The following NRG1 variants were observed in gnomAD, a reference collection of about 807,000 sequenced individuals.
NRG1 encodes neuregulin 1.
Under a neutral mutation model 63.8 loss-of-function variants are expected in NRG1, and 18 were observed. The ratio of observed to expected loss-of-function variants is 0.28; its 90% CI spans 0.19 to 0.42. The LOEUF is 0.42. Among genes scored for constraint, NRG1 ranks in the 10% least tolerant of loss-of-function variants. The probability of loss-of-function intolerance (pLI) is 1.00; values close to 1 mark genes in which losing one functional copy is unlikely to be tolerated. For missense variants in NRG1, 762 were observed against 814.7 expected (o/e 0.94, Z 0.79); for synonymous variants, 302 against 301.3 (o/e 1.00, Z -0.02).
At chr8:32,439,024 C>A (rs1272713459) in intron 1 of NRG1, among the ~76,000 whole-genome samples, 2 of 152,042 alleles carry the variant, frequency 1.3e-5, no homozygotes, top group Non-Finnish European at 2.9e-5. Context: ...AAGGCAAGAG[C>A]TTTTAATTTT....
At chr8:32,396,077 T>C (rs2129484287) in intron 1 of NRG1, among the ~76,000 whole-genome samples, 1 of 152,334 alleles carries the variant, frequency 6.6e-6, no homozygotes, top group East Asian at 1.9e-4. Context: ...GTTCTATTGA[T>C]CTATATATAC....
At chr8:32,500,686 G>A (rs568221688) in intron 1 of NRG1, among the ~76,000 whole-genome samples, 1 of 152,290 alleles carries the variant, frequency 6.6e-6, no homozygotes, top group Non-Finnish European at 1.5e-5. Context: ...GAGAGATCAG[G>A]TAGGGGCAAA....
At chr8:32,157,091 T>TGTGTGTG in intron 1 of NRG1, among the ~76,000 whole-genome samples, 2 of 132,868 alleles carry the variant, frequency 1.5e-5, no homozygotes, top group East Asian at 2.1e-4. Context: ...TGTGTGTGTG[T>TGTGTGTG]AAGGAGAGGT....
chr8:31,819,797 T>C (rs1472009142), intron 1 of NRG1, among the ~76,000 whole-genome samples: 1 of 152,220 alleles, frequency 6.6e-6, no homozygotes, highest in East Asian at 1.9e-4. Flanking sequence ...TAACATTTCC[T>C]AATTAGCCCC....
chr8:32,131,005 A>G (rs559442963), intron 1 of NRG1, among the ~76,000 whole-genome samples: 3 of 152,014 alleles, frequency 2.0e-5, no homozygotes, highest in Non-Finnish European at 1.5e-5. Flanking sequence ...GCATACCACC[A>G]TATGGCAAAA....
chr8:32,590,968 T>G (rs1012893876), intron 1 of NRG1, among the ~76,000 whole-genome samples: 4 of 152,198 alleles, frequency 2.6e-5, no homozygotes, highest in Non-Finnish European at 5.9e-5. Flanking sequence ...ATTTTTGCCC[T>G]GTGTCCTTGA....
At chr8:32,654,121 G>A (rs2466052) in intron 5 of NRG1, among the ~76,000 whole-genome samples, 138,814 of 152,200 alleles carry the variant, frequency 0.91, 63,794 homozygotes, top group Non-Finnish European at 0.97. Flanking sequence ...GACTTGCCCA[G>A]TGTCACTACA....
intron 5 of NRG1, among the ~76,000 whole-genome samples, chr8:32,720,482 G>A (rs1344114521): frequency 6.6e-6 from 1 of 152,100 alleles, no homozygotes; most frequent in African/African-American, 2.4e-5. Context: ...AGATTCAAGG[G>A]ACAGCTTGAA....
At chr8:32,381,395 G>C (rs914473232) in intron 1 of NRG1, among the ~76,000 whole-genome samples, 1 of 152,122 alleles carries the variant, frequency 6.6e-6, no homozygotes, top group Non-Finnish European at 1.5e-5. Flanking sequence ...TGGCTTGTTC[G>C]TTTGCTGACT....
chr8:32,209,731 T>TC (rs1467655610), intron 1 of NRG1, among the ~76,000 whole-genome samples: 1 of 121,690 alleles, frequency 8.2e-6, no homozygotes, highest in Non-Finnish European at 1.7e-5. Context: ...CCTTCCTTCC[T>TC]TCCTTCCTTC....
chr8:32,636,551 G>A (rs916379500), intron 5 of NRG1, among the ~76,000 whole-genome samples: 2 of 152,142 alleles, frequency 1.3e-5, no homozygotes, highest in African/African-American at 4.8e-5. Context: ...GGATTCTACT[G>A]ATTTCAACAG....
chr8:32,122,128 CA>C (rs1350589744), intron 1 of NRG1, among the ~76,000 whole-genome samples: 1 of 151,978 alleles, frequency 6.6e-6, no homozygotes, highest in Non-Finnish European at 1.5e-5. Flanking sequence ...TAGTACTCTT[CA>C]ACTCAGCATG....
At chr8:32,605,499 T>A (rs1451616187) in intron 2 of NRG1, 63 bp from the exon 3 acceptor site, 1 of 1,585,424 alleles carries the variant, frequency 6.3e-7, no homozygotes, top group Non-Finnish European at 8.6e-7. Context: ...TAGAAAAGTA[T>A]GTATTTATAT....
intron 1 of NRG1, among the ~76,000 whole-genome samples, chr8:31,916,747 A>G (rs1833424817): frequency 6.6e-6 from 1 of 152,050 alleles, no homozygotes; most frequent in African/African-American, 2.4e-5. Flanking sequence ...GTCAAATGGT[A>G]TTTCTAGTTC....
intron 1 of NRG1, among the ~76,000 whole-genome samples, chr8:31,661,959 C>T (rs1806034968): frequency 6.6e-6 from 1 of 152,114 alleles, no homozygotes; most frequent in Admixed American, 6.6e-5. Flanking sequence ...CTCTTAAAGG[C>T]CATCTTTTCC....
chr8:31,716,384 G>A (rs946876658), intron 1 of NRG1, among the ~76,000 whole-genome samples: 1 of 152,132 alleles, frequency 6.6e-6, no homozygotes, highest in African/African-American at 2.4e-5. Flanking sequence ...CTTCCAACTC[G>A]AGCATGGCAA....
At chr8:31,855,085 T>A (rs1827706403) in intron 1 of NRG1, among the ~76,000 whole-genome samples, 1 of 152,092 alleles carries the variant, frequency 6.6e-6, no homozygotes, top group African/African-American at 2.4e-5. Context: ...AAATGTATAT[T>A]CTGTTGATTT....
At chr8:32,150,989 C>T (rs1837441035) in intron 1 of NRG1, among the ~76,000 whole-genome samples, 1 of 152,102 alleles carries the variant, frequency 6.6e-6, no homozygotes. Context: ...TGTCATTTTT[C>T]AGCTGTCAAC....
intron 1 of NRG1, among the ~76,000 whole-genome samples, chr8:32,038,373 C>T (rs939960732): frequency 1.3e-5 from 2 of 151,956 alleles, no homozygotes; most frequent in Non-Finnish European, 2.9e-5. Context: ...AATTTACTTG[C>T]TCTTTTTGTT....
Sources: gnomAD v4.1 joint callset for allele counts (sites outside exome capture counted in the v4.1 genomes callset) on GRCh38, gnomAD v4.1.1 for gene constraint, MANE v1.5 for transcripts, NCBI Gene and HGNC (gene_info 2026-07-23, HGNC 2026-07-21) for gene names.